Variants in CREBZF observed in about 807,000 individuals in gnomAD.
The protein encoded by CREBZF is HCF-binding transcription factor Zhangfei.
In CREBZF, 8 loss-of-function variants were observed where a neutral mutation model predicts 21.1. The ratio of observed to expected loss-of-function variants is 0.38; its 90% CI spans 0.22 to 0.68. The LOEUF (loss-of-function observed/expected upper bound fraction) is 0.68. Ranked by LOEUF, CREBZF falls within the 30% of genes least tolerant of loss-of-function variation. CREBZF has a pLI of 0.51. For synonymous variants in CREBZF, 270 were observed against 223.3 expected, an observed-to-expected ratio of 1.21 and a Z score of -1.86; for missense variants, 518 against 484.3, an observed-to-expected ratio of 1.07 and a Z score of -0.65.
chr11:85,664,356 T>TGCA lies in CREBZF; in HGVS notation c.517_519dup (p.Cys173dup). The stretch of plus-strand genomic sequence containing the variant: ...GCGCTGCCACTGTCACTGCTGCTGC[T>TGCA]GCAGCCTCCGATACCGTTTAACAGC... On this transcript the variant is annotated inframe_insertion, in exon 1 of 1. Coordinates refer to ENST00000527447, the MANE Select transcript of CREBZF (RefSeq NM_001039618.4). The surrounding 1 kb of genome is among the most constrained non-coding windows in gnomAD (Gnocchi z 5.5). The TGCA allele has an allele frequency of 6.2e-7, 1 of 1,613,142 alleles. No homozygotes were observed. Among genetic ancestry groups the TGCA allele is most frequent in the Non-Finnish European group, 8.5e-7 (1 of 1,179,820 alleles).
intron 1 of CREBZF, among the ~76,000 whole-genome samples, chr11:85,673,790 A>G (rs2082927177): frequency 6.6e-6 from 1 of 152,236 alleles, no homozygotes; most frequent in African/African-American, 2.4e-5. Context: ...CGGCTGCTTT[A>G]TCAACTGAGT....
At chr11:85,679,725 C>A (rs2082964410) in intron 1 of CREBZF, among the ~76,000 whole-genome samples, 1 of 152,196 alleles carries the variant, frequency 6.6e-6, no homozygotes, top group Admixed American at 6.5e-5. Flanking sequence ...TTGTCATTAG[C>A]CATATGTGGT....
At chr11:85,671,341 T>A (rs1021675448) in intron 1 of CREBZF, among the ~76,000 whole-genome samples, 4 of 152,182 alleles carry the variant, frequency 2.6e-5, no homozygotes, top group African/African-American at 9.7e-5. Flanking sequence ...CAGTTCAAGA[T>A]GACATTTGGG....
rs1347747220 is a variant in CREBZF, at chr11:85,664,605, G to A, written c.271C>T (p.Leu91Phe). Residue 91 changes from leucine (L) to phenylalanine (F), a missense_variant, in exon 1 of 1, where the codon CTC (leucine) becomes TTC (phenylalanine). Around this residue, in one of 3 missense-constraint regions of CREBZF, gnomAD observed 396 missense variants for 324.4 expected, o/e 1.22. Transcript: ENST00000527447. The surrounding 1 kb of genome is among the most constrained non-coding windows in gnomAD (Gnocchi z 5.5). The part of the protein sequence containing the change: ...EEMEEEAIAS[L>F]PGEETEDMDF... Reference sequence around the variant, plus strand: ...ATATCCTCCGTCTCTTCCCCCGGGAGGCTGGCGATCGCCTCCTCCTCCATC... The same window carrying A: ...ATATCCTCCGTCTCTTCCCCCGGGAAGCTGGCGATCGCCTCCTCCTCCATC... 1.2e-6 allele frequency: 2 copies of A among 1,613,636 alleles called. No homozygotes were observed. The highest frequency in any genetic ancestry group is 1.7e-5 in the Admixed American group (1 of 59,998).
Position 85,663,729 on chromosome 11 carries a change from A to G in CREBZF, c.*82T>C. 1 of 1,593,154 alleles carries G rather than the reference A, an allele frequency of 6.3e-7. No individual in the cohort carries two copies. Among genetic ancestry groups the G allele is most frequent in the South Asian group, 1.1e-5 (1 of 87,136 alleles). The stretch of plus-strand genomic sequence containing the variant: ...TCTCTCCTCTGAAATGTGTCCGGTG[A>G]AGATGTCCCACTAAGGTAAGTTTGA... On this transcript the variant is annotated 3_prime_UTR_variant, in exon 1 of 1. Coordinates refer to ENST00000527447, the MANE Select transcript of CREBZF (RefSeq NM_001039618.4).
At chr11:85,682,571 T>G in intron 1 of CREBZF, 5 of 521,138 alleles carry the variant, frequency 9.6e-6, no homozygotes, top group East Asian at 3.5e-5. Flanking sequence ...TGCGCCCGAG[T>G]TTTAGGGGAC....
rs772395373 is a variant in CREBZF at position 85,663,760 on chromosome 11, T to C, written c.*51A>G. On this transcript the variant is annotated 3_prime_UTR_variant, in exon 1 of 1. Transcript: ENST00000527447. ...TCCCACTAAGGTAAGTTTGACATGG[T>C]GTAAGGGAGTTGAAAGGGGTAAACG... 13 of 1,584,800 alleles carry C rather than the reference T, an allele frequency of 8.2e-6. No individual in the cohort carries two copies. Among genetic ancestry groups the C allele is most frequent in the Non-Finnish European group, 1.0e-5 (12 of 1,166,682 alleles).
Position 85,659,918 on chromosome 11 carries a change from T to C in CREBZF, c.*3893A>G, listed in dbSNP as rs1196293360. The C allele has an allele frequency of 6.6e-6, 1 of 152,012 alleles. No homozygotes were observed. Among genetic ancestry groups the C allele is most frequent in the Non-Finnish European group, 1.5e-5 (1 of 67,910 alleles). 9.4% of individuals were successfully genotyped at this position (152,012 alleles called of 1,614,324 possible). ...CAGTATCAAGTACTCAAGAGAAAGC[T>C]CAAGAAGCCAAAACCTCAAGAATCC... On this transcript the variant is annotated 3_prime_UTR_variant, in exon 1 of 1. Coordinates refer to ENST00000527447, the MANE Select transcript of CREBZF (RefSeq NM_001039618.4).
Position 85,663,459 on chromosome 11 carries a change from A to G in CREBZF, c.*352T>C. On this transcript the variant is annotated 3_prime_UTR_variant, in exon 1 of 1. Coordinates refer to ENST00000527447, the MANE Select transcript of CREBZF (RefSeq NM_001039618.4). ...AAAAATCACACACACACAAACTGAG[A>G]TGTTGCCCATTAAAGTAGACAAAGC... 1 of 747,024 alleles carries G rather than the reference A, an allele frequency of 1.3e-6. No homozygotes were observed. The highest frequency in any genetic ancestry group is 2.4e-6 in the Non-Finnish European group (1 of 419,658). The allele number at this position is 747,024 out of a possible 1,614,324, so 46.3% of individuals were successfully genotyped here.
intron 1 of CREBZF, among the ~76,000 whole-genome samples, chr11:85,670,460 C>T (rs566123299): frequency 4.8e-4 from 73 of 152,022 alleles, no homozygotes; most frequent in East Asian, 2.9e-3. Context: ...CCTACCACCA[C>T]GCCCAACTAA....
At chr11:85,667,103 T>TA (rs1253667110), upstream of CREBZF, among the ~76,000 whole-genome samples, 1 of 152,212 alleles carries the variant, frequency 6.6e-6, no homozygotes, top group African/African-American at 2.4e-5. Flanking sequence ...CTCACACCTG[T>TA]AATCCTACCA....
At chr11:85,678,272 T>C (rs532811574) in intron 1 of CREBZF, among the ~76,000 whole-genome samples, 5 of 152,238 alleles carry the variant, frequency 3.3e-5, no homozygotes, top group Non-Finnish European at 4.4e-5. Flanking sequence ...TGGAAAACAG[T>C]TTTGGGAGGC....
rs1030708160 is a variant in CREBZF, at chr11:85,679,154, G to A, written n.147+3563C>T. Among the ~76,000 whole-genome samples, 5 of 152,188 alleles carry A rather than the reference G, an allele frequency of 3.3e-5. No individual in the cohort carries two copies. The South Asian group carries it at 6.2e-4, about 19-fold the overall frequency. On this transcript the variant is annotated intron_variant and non_coding_transcript_variant, in intron 1 of 3. Coordinates refer to the CREBZF transcript ENST00000531515. ...GAACAGGAGGTACTGTGAAGCTTTCGAAGCTACTGTACTCTCATGTTTTCC... is the reference window on the plus strand; with the variant it reads ...GAACAGGAGGTACTGTGAAGCTTTCAAAGCTACTGTACTCTCATGTTTTCC...
At chr11:85,674,281 G>C (rs1390971735) in intron 1 of CREBZF, among the ~76,000 whole-genome samples, 4 of 152,186 alleles carry the variant, frequency 2.6e-5, no homozygotes, top group African/African-American at 7.2e-5. Flanking sequence ...GTGTAAGCAG[G>C]CATAAAAACT....
intron 1 of CREBZF, among the ~76,000 whole-genome samples, chr11:85,678,746 T>C (rs185524559): frequency 7.9e-5 from 12 of 152,346 alleles, no homozygotes; most frequent in Non-Finnish European, 1.5e-4. Context: ...ATCTCTTCCT[T>C]ACTGAAGATT....
At chr11:85,672,253 G>C (rs577576561) in intron 1 of CREBZF, among the ~76,000 whole-genome samples, 90 of 152,370 alleles carry the variant, frequency 5.9e-4, no homozygotes, top group Middle Eastern at 3.4e-3. Context: ...ACACAGCACG[G>C]GGCCCTGGGC....
rs917969445 is a variant in CREBZF, at chr11:85,663,651, G to C, written c.*160C>G. 6.3e-7 allele frequency: 1 copy of C among 1,599,424 alleles called. No homozygotes were observed. The highest frequency in any genetic ancestry group is 2.3e-5 in the East Asian group (1 of 44,348). On this transcript the variant is annotated 3_prime_UTR_variant, in exon 1 of 1. Coordinates refer to ENST00000527447, the MANE Select transcript of CREBZF (RefSeq NM_001039618.4). Reference sequence around the variant, plus strand: ...ATGTTATCATTAGGAGTTGGTTACTGTGTCACATTCATGCTTTTAGCTAAA... The same window carrying C: ...ATGTTATCATTAGGAGTTGGTTACTCTGTCACATTCATGCTTTTAGCTAAA...
upstream of CREBZF, among the ~76,000 whole-genome samples, chr11:85,668,075 G>C (rs2082884886): frequency 6.6e-6 from 1 of 151,942 alleles, no homozygotes; most frequent in Non-Finnish European, 1.5e-5. Flanking sequence ...TCTGTTTCTG[G>C]TCTTTATCTA....
Position 85,664,971 on chromosome 11 carries a change from C to A in CREBZF, c.-96G>T, listed in dbSNP as rs2082827409. The A allele has an allele frequency of 8.4e-6, 7 of 833,098 alleles. No individual in the cohort carries two copies. Among genetic ancestry groups the A allele is most frequent in the African/African-American group, 1.8e-5 (1 of 55,476 alleles). 51.6% of individuals were successfully genotyped at this position (833,098 alleles called of 1,614,324 possible). On this transcript the variant is annotated 5_prime_UTR_variant, in exon 1 of 1. Transcript: ENST00000527447. This position sits in a 1 kb window ranked among gnomAD's most constrained non-coding sequence, Gnocchi z 5.5. ...GCCCCAGGGCGGGTAGCCCCCGGCACTGGCCGAAACGAAATGCAGGGAAAG... is the reference window on the plus strand; with the variant it reads ...GCCCCAGGGCGGGTAGCCCCCGGCAATGGCCGAAACGAAATGCAGGGAAAG...
Sources: gnomAD v4.1 joint callset for allele counts (sites outside exome capture counted in the v4.1 genomes callset) on GRCh38, gnomAD v4.1.1 for gene constraint, gnomAD v4.1.1 regional missense constraint, Gnocchi (gnomAD v3.1) non-coding constraint, MANE v1.5 for transcripts, NCBI Gene and HGNC (gene_info 2026-07-23, HGNC 2026-07-21) for gene names.